The following MATR3 variants were observed in gnomAD, a reference collection of about 807,000 sequenced individuals.
MATR3 encodes the protein matrin-3.
MATR3 carries 4 observed loss-of-function variants against 85.5 expected under a neutral mutation model. That is an observed-to-expected ratio of 0.05 (90% CI 0.02 to 0.11). The LOEUF is 0.11. MATR3 is among the 10% of genes least tolerant of loss of function. MATR3 has a pLI of 1.00. For missense variants in MATR3, 685 were observed against 1,016.1 expected (o/e 0.67, Z 4.43); for synonymous variants, 336 against 343.1 (o/e 0.98, Z 0.23).
In MATR3 at chr5:139,326,829, C is replaced by T. The variant is rs561108168; in HGVS notation, c.2493+545C>T. Among the ~76,000 whole-genome samples, 43 of 152,230 alleles carry T rather than the reference C, an allele frequency of 2.8e-4. No individual in the cohort carries two copies. The East Asian group carries it at 8.3e-3, about 29-fold the overall frequency. ...GTGTTTTCTAACCATATTATAAATT[C>T]TGTGGTAGAATTAAACTTATTCAAG... On this transcript the variant is annotated intron_variant, in intron 14 of 14. Coordinates refer to ENST00000394805, the MANE Select transcript of MATR3 (RefSeq NM_018834.6).
At chr5:139,285,550 C>T (rs948346546) in intron 3 of MATR3, among the ~76,000 whole-genome samples, 7 of 152,072 alleles carry the variant, frequency 4.6e-5, no homozygotes, top group Non-Finnish European at 8.8e-5. Context: ...GCACAGGCCT[C>T]TACTCCCAGT....
At chr5:139,281,549 T>C (rs58498710) in intron 3 of MATR3, among the ~76,000 whole-genome samples, 1,870 of 151,848 alleles carry the variant, frequency 0.012, 45 homozygotes, top group African/African-American at 0.043. Context: ...GGTTTTGCCA[T>C]GCCATTTCAG....
At chr5:139,322,395 T>G in intron 10 of MATR3, 68 bp from the exon 11 acceptor site, 1 of 1,389,818 alleles carries the variant, frequency 7.2e-7, no homozygotes, top group Non-Finnish European at 1.0e-6. Flanking sequence ...TTGTCTCCAA[T>G]TATTAATTCA....
intron 12 of MATR3, among the ~76,000 whole-genome samples, chr5:139,324,851 A>G (rs1198020883): frequency 6.6e-6 from 1 of 152,062 alleles, no homozygotes; most frequent in African/African-American, 2.4e-5. Flanking sequence ...ATTATCAGTA[A>G]TTTTTTGGAA....
At chr5:139,314,873 T>G in intron 3 of MATR3, 137 bp downstream of exon 3, 2 of 744,502 alleles carry the variant, frequency 2.7e-6, no homozygotes. Context: ...ACAATACTAT[T>G]TACAAGTAAA....
At chr5:139,320,542 G>C (rs990901628) in intron 9 of MATR3, among the ~76,000 whole-genome samples, 29 of 152,262 alleles carry the variant, frequency 1.9e-4, no homozygotes, top group Admixed American at 1.7e-3. Context: ...TCCAAGGTTT[G>C]TAGTGGGCTA....
chr5:139,307,342 T>G lies in MATR3; in HGVS notation c.-74T>G, dbSNP rs1446320011. On this transcript the variant is annotated 5_prime_UTR_variant, in exon 2 of 15. Coordinates refer to ENST00000394805, the MANE Select transcript of MATR3 (RefSeq NM_018834.6). This position sits in a 1 kb window ranked among gnomAD's most constrained non-coding sequence, Gnocchi z 4.4. ...GCAAAGTTAACCTAGCTTTCTAGTT[T>G]GAGCTTTCTTTTTGGCCGTCTTTAA... 1.3e-6 allele frequency: 2 copies of G among 1,554,692 alleles called. No individual in the cohort carries two copies. Among genetic ancestry groups the G allele is most frequent in the Non-Finnish European group, 1.7e-6 (2 of 1,159,636 alleles).
At chr5:139,288,081 C>T (rs576490721) in intron 3 of MATR3, among the ~76,000 whole-genome samples, 2 of 152,022 alleles carry the variant, frequency 1.3e-5, no homozygotes, top group African/African-American at 2.4e-5. Context: ...CTGGGTTTGG[C>T]GGCGCGCTTC....
intron 12 of MATR3, among the ~76,000 whole-genome samples, chr5:139,324,261 C>T (rs946326024): frequency 8.1e-5 from 12 of 147,678 alleles, no homozygotes; most frequent in Non-Finnish European, 1.5e-4. Flanking sequence ...AAAATTTAAA[C>T]TTGGGCAGTC....
At chr5:139,299,504 T>A (rs1002297731) in intron 1 of MATR3, among the ~76,000 whole-genome samples, 3 of 152,154 alleles carry the variant, frequency 2.0e-5, no homozygotes, top group Non-Finnish European at 4.4e-5. Flanking sequence ...TGAGACCTTG[T>A]CTCTACTAAA....
chr5:139,315,532 T>G, intron 3 of MATR3, 165 bp from the exon 4 acceptor site: 1 of 545,258 alleles, frequency 1.8e-6, no homozygotes, highest in Non-Finnish European at 3.3e-6. Flanking sequence ...AGTTCTGAAA[T>G]TTTTCTTTTG....
At chr5:139,288,627 G>A (rs1269525834) in intron 3 of MATR3, among the ~76,000 whole-genome samples, 1 of 152,066 alleles carries the variant, frequency 6.6e-6, no homozygotes, top group African/African-American at 2.4e-5. Flanking sequence ...CTAGCTACAT[G>A]GTGGGTTTAA....
Position 139,314,671 on chromosome 5 carries a change from G to A in MATR3, c.913-4G>A. On this transcript the variant is annotated splice_polypyrimidine_tract_variant and splice_region_variant and intron_variant, in intron 2 of 14. Coordinates refer to ENST00000394805, the MANE Select transcript of MATR3 (RefSeq NM_018834.6). ...GTTAATTCTACTAATTTACTTTGCT[G>A]CAGGAGTGGAGTCAACATATCAATG... 6.2e-7 allele frequency: 1 copy of A among 1,613,006 alleles called. No homozygotes were observed.
chr5:139,316,946 T>A (rs1755278939), intron 5 of MATR3, 107 bp from the exon 6 acceptor site: 2 of 842,328 alleles, frequency 2.4e-6, no homozygotes, highest in South Asian at 2.9e-5. Context: ...ATCATATATT[T>A]GTAAGAGCTT....
At chr5:139,274,369 C>T (rs918457941) in intron 1 of MATR3, 31 of 293,758 alleles carry the variant, frequency 1.1e-4, no homozygotes, top group Middle Eastern at 2.5e-3. Flanking sequence ...CCTAGGGAGT[C>T]CCATAGAGCC....
At chr5:139,326,331 A>T (rs774351261) in intron 14 of MATR3, 47 bp downstream of exon 14, 2 of 1,598,658 alleles carry the variant, frequency 1.3e-6, no homozygotes, top group Non-Finnish European at 1.7e-6. Context: ...TTAACAAGTT[A>T]TGGAAATAAG....
intron 1 of MATR3, among the ~76,000 whole-genome samples, chr5:139,297,424 A>C (rs185345953): frequency 6.6e-6 from 1 of 152,330 alleles, no homozygotes; most frequent in East Asian, 1.9e-4. Context: ...ATAAAAGTTT[A>C]TGTGTAGAAA....
intron 3 of MATR3, among the ~76,000 whole-genome samples, chr5:139,287,777 C>T (rs1390383191): frequency 6.6e-6 from 1 of 152,168 alleles, no homozygotes; most frequent in African/African-American, 2.4e-5. Flanking sequence ...TTACCCATGC[C>T]TGCTCACAAA....
chr5:139,323,570 T>C (rs913107074), intron 12 of MATR3, among the ~76,000 whole-genome samples: 17 of 152,166 alleles, frequency 1.1e-4, no homozygotes, highest in Non-Finnish European at 1.9e-4. Context: ...AGTAGGGCAT[T>C]AAAATGCCTT....
Sources: gnomAD v4.1 joint callset for allele counts (sites outside exome capture counted in the v4.1 genomes callset) on GRCh38, gnomAD v4.1.1 for gene constraint, Gnocchi (gnomAD v3.1) non-coding constraint, MANE v1.5 for transcripts, NCBI Gene and HGNC (gene_info 2026-07-23, HGNC 2026-07-21) for gene names.